Variants in IGFBP2 observed in about 807,000 individuals in gnomAD.
IGFBP2 encodes the protein insulin-like growth factor-binding protein 2.
IGFBP2 carries 12 observed loss-of-function variants against 26.2 expected under a neutral mutation model. The ratio of observed to expected loss-of-function variants is 0.46; its 90% CI spans 0.29 to 0.74. The LOEUF is 0.74. Among genes scored for constraint, IGFBP2 ranks in the 30% least tolerant of loss-of-function variants. The pLI, the probability that IGFBP2 is intolerant of heterozygous loss-of-function variation, is 0.09. For missense variants in IGFBP2, 328 were observed against 441.2 expected (o/e 0.74, Z 2.30); for synonymous variants, 189 against 200.6 (o/e 0.94, Z 0.49).
rs1297180576 is a variant in IGFBP2, at chr2:216,633,458, G to A, written c.-66G>A. The A allele has an allele frequency of 3.2e-6, 1 of 311,248 alleles. No homozygotes were observed. Among genetic ancestry groups the A allele is most frequent in the Non-Finnish European group, 4.7e-6 (1 of 211,432 alleles). The allele number at this position is 311,248 out of a possible 1,614,324, so 19.3% of individuals were successfully genotyped here. On this transcript the variant is annotated 5_prime_UTR_variant, in exon 1 of 4. Coordinates refer to ENST00000233809, the MANE Select transcript of IGFBP2 (RefSeq NM_000597.3). The stretch of plus-strand genomic sequence containing the variant: ...AGGAGGCGGCTCCCGCGCTCGCAGG[G>A]CCGTGCCACCTGCCCGCCCGCCCGC...
intron 2 of IGFBP2, 85 bp downstream of exon 2, chr2:216,660,871 C>T (rs1458305785): frequency 1.0e-5 from 11 of 1,052,748 alleles, no homozygotes; most frequent in Non-Finnish European, 1.6e-5. Context: ...TAATAAGACC[C>T]TCATCTGGTG....
intron 1 of IGFBP2, among the ~76,000 whole-genome samples, chr2:216,651,109 CAG>C (rs1419934514): frequency 1.3e-5 from 2 of 152,132 alleles, no homozygotes; most frequent in African/African-American, 2.4e-5. Flanking sequence ...AAAAAAAAGT[CAG>C]GGGAAGACAC....
In IGFBP2 at chr2:216,633,482, G is replaced by A. The variant is rs1397713640; in HGVS notation, c.-42G>A. The A allele has an allele frequency of 2.0e-6, 1 of 501,560 alleles. No individual in the cohort carries two copies. Among genetic ancestry groups the A allele is most frequent in the Non-Finnish European group, 2.6e-6 (1 of 385,352 alleles). The allele number at this position is 501,560 out of a possible 1,614,324, so 31.1% of individuals were successfully genotyped here. A position where few individuals can be genotyped will look rare whatever the true frequency, so the allele number is the denominator to read the frequency against. ...GGCCGTGCCACCTGCCCGCCCGCCC[G>A]CTCGCTCGCTCGCCCGCCGCGCCGC... On this transcript the variant is annotated 5_prime_UTR_variant, in exon 1 of 4. Transcript: ENST00000233809.
chr2:216,660,441 TC>T (rs1303958815), intron 1 of IGFBP2, 115 bp from the exon 2 acceptor site: 1 of 700,532 alleles, frequency 1.4e-6, no homozygotes, highest in Non-Finnish European at 2.3e-6. Context: ...CCATCAGCAC[TC>T]ATTAGCCGCG....
In IGFBP2 at chr2:216,660,765, G is replaced by A. The variant is rs2106206973; in HGVS notation, c.651G>A (p.Lys217=). The A allele has an allele frequency of 6.3e-6, 10 of 1,598,092 alleles. 1 individual carries two copies. The highest frequency in any genetic ancestry group is 1.1e-5 in the South Asian group (1 of 88,478). ...ACCTTGGCCTGGAGGAGCCCAAGAAGCTGCGACCACCCCCTGCCAGGGTCA... is the reference window on the plus strand; with the variant it reads ...ACCTTGGCCTGGAGGAGCCCAAGAAACTGCGACCACCCCCTGCCAGGGTCA... ...KHHLGLEEPK[K]LRPPPARTPC... is the part of the protein sequence containing the mutation. Residue 217 remains lysine, a synonymous_variant, in exon 2 of 4, where the codon AAG becomes AAA. Transcript: ENST00000233809.
intron 3 of IGFBP2, chr2:216,663,247 A>G (rs535422961): frequency 6.6e-6 from 1 of 152,352 alleles, no homozygotes; most frequent in South Asian, 2.1e-4. Flanking sequence ...CTCATGGGAA[A>G]CAGGCTGTCT....
chr2:216,648,829 G>A lies in IGFBP2; in HGVS notation c.443-11728G>A, dbSNP rs1303217329. Among the ~76,000 whole-genome samples, 12 of 151,992 alleles carry A rather than the reference G, an allele frequency of 7.9e-5. 1 individual carries two copies. The South Asian group carries it at 1.3e-3, about 16-fold the overall frequency. On this transcript the variant is annotated intron_variant, in intron 1 of 3. Transcript: ENST00000233809. The stretch of plus-strand genomic sequence containing the variant: ...TCACCATATTGGCCAGGCTGGTCTC[G>A]AACTCCTGACCTCGTGATCCACCTG...
intron 1 of IGFBP2, among the ~76,000 whole-genome samples, chr2:216,642,438 C>G (rs1193320996): frequency 6.6e-6 from 1 of 150,624 alleles, no homozygotes; most frequent in East Asian, 2.0e-4. Context: ...TCCCCAGCAG[C>G]TGGGACTACA....
At chr2:216,647,761 C>T (rs1347500430) in intron 1 of IGFBP2, among the ~76,000 whole-genome samples, 1 of 152,222 alleles carries the variant, frequency 6.6e-6, no homozygotes, top group Non-Finnish European at 1.5e-5. Context: ...ACCTCGTGAT[C>T]TGCCCGCCTT....
rs749901744 is a variant in IGFBP2 at position 216,660,552 on chromosome 2, G to C, written c.443-5G>C. On this transcript the variant is annotated splice_polypyrimidine_tract_variant and splice_region_variant and intron_variant, in intron 1 of 3. Coordinates refer to ENST00000233809, the MANE Select transcript of IGFBP2 (RefSeq NM_000597.3). ...GGAGCTTTTCTTCCCTTCCTCTCTTGGCAGACAATGGCGATGACCACTCAG... is the reference window on the plus strand; with the variant it reads ...GGAGCTTTTCTTCCCTTCCTCTCTTCGCAGACAATGGCGATGACCACTCAG... 1 of 1,590,280 alleles carries C rather than the reference G, an allele frequency of 6.3e-7. No individual in the cohort carries two copies. The highest frequency in any genetic ancestry group is 8.6e-7 in the Non-Finnish European group (1 of 1,166,528).
At chr2:216,642,956 C>T (rs1190442837) in intron 1 of IGFBP2, among the ~76,000 whole-genome samples, 1 of 152,154 alleles carries the variant, frequency 6.6e-6, no homozygotes, top group Non-Finnish European at 1.5e-5. Flanking sequence ...CAGGGGAAGT[C>T]TGCAAGGATC....
chr2:216,642,276 G>T (rs1469745342), intron 1 of IGFBP2, among the ~76,000 whole-genome samples: 1 of 148,922 alleles, frequency 6.7e-6, no homozygotes, highest in Non-Finnish European at 1.5e-5. Flanking sequence ...GGGATTACAG[G>T]TGTGAGCCAC....
At chr2:216,659,583 G>A in intron 1 of IGFBP2, 1 of 701,366 alleles carries the variant, frequency 1.4e-6, no homozygotes, top group Non-Finnish European at 2.5e-6. Context: ...GATCCTCTCT[G>A]CCTCCTTTGG....
chr2:216,644,481 C>G (rs1360747227), intron 1 of IGFBP2, among the ~76,000 whole-genome samples: 1 of 152,066 alleles, frequency 6.6e-6, no homozygotes, highest in Non-Finnish European at 1.5e-5. Flanking sequence ...GGGACTGAGT[C>G]CCGGAAGGCC....
chr2:216,653,103 T>G (rs972391455), intron 1 of IGFBP2, among the ~76,000 whole-genome samples: 12 of 152,196 alleles, frequency 7.9e-5, no homozygotes, highest in African/African-American at 2.9e-4. Flanking sequence ...AAGGTCTTAT[T>G]TCCTCACCAG....
At chr2:216,641,998 CA>C (rs887154646) in intron 1 of IGFBP2, among the ~76,000 whole-genome samples, 1 of 135,156 alleles carries the variant, frequency 7.4e-6, no homozygotes, top group African/African-American at 2.7e-5. Flanking sequence ...ACCAGGCTTA[CA>C]TTTTTTTTTT....
At chr2:216,653,381 G>A (rs1697863154) in intron 1 of IGFBP2, among the ~76,000 whole-genome samples, 1 of 152,214 alleles carries the variant, frequency 6.6e-6, no homozygotes, top group African/African-American at 2.4e-5. Flanking sequence ...AAAATGAGCT[G>A]TGCCAAAATT....
chr2:216,659,667 G>T (rs1056908313), intron 1 of IGFBP2: 3 of 1,463,108 alleles, frequency 2.1e-6, no homozygotes, highest in African/African-American at 2.8e-5. Context: ...CCTAGGCTGT[G>T]CATACAAAAG....
chr2:216,647,877 A>G (rs867767616), intron 1 of IGFBP2, among the ~76,000 whole-genome samples: 25 of 151,834 alleles, frequency 1.6e-4, no homozygotes, highest in East Asian at 1.9e-4. Flanking sequence ...CTGGAATGCA[A>G]TTGCACGATC....
Sources: gnomAD v4.1 joint callset for allele counts (sites outside exome capture counted in the v4.1 genomes callset) on GRCh38, gnomAD v4.1.1 for gene constraint, MANE v1.5 for transcripts, NCBI Gene and HGNC (gene_info 2026-07-23, HGNC 2026-07-21) for gene names.